The following USPL1 variants were observed in gnomAD, a reference collection of about 807,000 sequenced individuals.
The protein encoded by USPL1 is ubiquitin specific peptidase like 1.
A neutral mutation model predicts 51.5 loss-of-function variants in USPL1; 27 were observed. The ratio of observed to expected loss-of-function variants is 0.52; its 90% CI spans 0.39 to 0.72. The LOEUF (loss-of-function observed/expected upper bound fraction) is 0.72, where lower values mean the gene tolerates loss of function less well. Among genes scored for constraint, USPL1 ranks in the 30% least tolerant of loss-of-function variants. The pLI, the probability that USPL1 is intolerant of heterozygous loss-of-function variation, is 0.00. For missense variants in USPL1, 1,226 were observed against 1,268.0 expected, an observed-to-expected ratio of 0.97 and a Z score of 0.50; for synonymous variants, 451 against 459.6, an observed-to-expected ratio of 0.98 and a Z score of 0.24.
At chr13:30,651,003 C>CA (rs1467084171) in intron 7 of USPL1, among the ~76,000 whole-genome samples, 343 of 119,428 alleles carry the variant, frequency 2.9e-3, no homozygotes, top group East Asian at 1.0e-2. Context: ...ACAAACAAAC[C>CA]AAAAAAAAAA....
intron 4 of USPL1, among the ~76,000 whole-genome samples, chr13:30,635,108 A>G (rs1175890939): frequency 6.6e-6 from 1 of 152,194 alleles, no homozygotes; most frequent in African/African-American, 2.4e-5. Context: ...TGTGTTGCTG[A>G]ATCTGCTCCC....
At chr13:30,651,670 A>C (rs764779866) in intron 7 of USPL1, among the ~76,000 whole-genome samples, 15 of 152,236 alleles carry the variant, frequency 9.9e-5, no homozygotes, top group Admixed American at 5.2e-4. Flanking sequence ...AAATATTAGT[A>C]AAGAGTCAGG....
intron 7 of USPL1, among the ~76,000 whole-genome samples, chr13:30,649,435 A>C (rs1280022890): frequency 6.6e-6 from 1 of 152,254 alleles, no homozygotes; most frequent in East Asian, 1.9e-4. Context: ...CCTAAAAACT[A>C]ATTAAGTTCC....
chr13:30,633,121 T>A (rs1950829787), intron 4 of USPL1, among the ~76,000 whole-genome samples: 1 of 152,252 alleles, frequency 6.6e-6, no homozygotes, highest in Admixed American at 6.5e-5. Context: ...AGTTGTACTT[T>A]TCTTGGTTTC....
intron 5 of USPL1, among the ~76,000 whole-genome samples, chr13:30,641,181 T>A (rs1950942824): frequency 6.6e-6 from 1 of 152,244 alleles, no homozygotes; most frequent in African/African-American, 2.4e-5. Flanking sequence ...TAGGGACATT[T>A]GAATTAGGAT....
chr13:30,657,268 T>C (rs1951176388), intron 8 of USPL1, among the ~76,000 whole-genome samples: 1 of 152,236 alleles, frequency 6.6e-6, no homozygotes, highest in East Asian at 1.9e-4. Context: ...AATTAGGTGA[T>C]AACCAAATTC....
At chr13:30,651,686 C>T (rs932706355) in intron 7 of USPL1, among the ~76,000 whole-genome samples, 3 of 152,184 alleles carry the variant, frequency 2.0e-5, no homozygotes, top group African/African-American at 4.8e-5. Flanking sequence ...TCAGGCCAGG[C>T]GTGGTGGCTT....
chr13:30,630,030 A>G (rs1057199060), intron 3 of USPL1, among the ~76,000 whole-genome samples: 3 of 152,126 alleles, frequency 2.0e-5, no homozygotes, highest in Admixed American at 6.6e-5. Flanking sequence ...CTGGAGCAGT[A>G]GAGTGGGGCA....
intron 2 of USPL1, 113 bp downstream of exon 2, chr13:30,621,352 C>T (rs919728795): frequency 8.1e-6 from 6 of 742,256 alleles, no homozygotes; most frequent in South Asian, 3.9e-5. Flanking sequence ...GTGTCTTCCA[C>T]GGAAATCTTA....
At position 30,621,222 on chromosome 13, in the gene USPL1, G is replaced by C. The variant is rs1566044858; in HGVS notation, c.82G>C (p.Val28Leu). 2 of 1,591,850 alleles carry C rather than the reference G, an allele frequency of 1.3e-6. No individual in the cohort carries two copies. The highest frequency in any genetic ancestry group is 1.7e-6 in the Non-Finnish European group (2 of 1,172,422). Residue 28 changes from valine (V) to leucine (L), a missense_variant, in exon 2 of 9, where the codon GTG (valine) becomes CTG (leucine). Coordinates refer to ENST00000255304, the MANE Select transcript of USPL1 (RefSeq NM_005800.5). ...TDIGISSLHM[V>L]GYLGKNFDSA... ...TATAGGGATATCTTCACTCCACATGGTGGGGTATTTGGGAAAAGTTAGTGA... is the reference window on the plus strand; with the variant it reads ...TATAGGGATATCTTCACTCCACATGCTGGGGTATTTGGGAAAAGTTAGTGA...
intron 8 of USPL1, among the ~76,000 whole-genome samples, chr13:30,655,012 C>T (rs1430104198): frequency 1.3e-5 from 2 of 151,596 alleles, no homozygotes; most frequent in African/African-American, 4.8e-5. Flanking sequence ...AGTCTTGTCT[C>T]ACCACCACGT....
At chr13:30,635,063 GTTCC>G (rs1241155652) in intron 4 of USPL1, among the ~76,000 whole-genome samples, 2 of 152,132 alleles carry the variant, frequency 1.3e-5, no homozygotes, top group Non-Finnish European at 2.9e-5. Context: ...GTATGAGTTT[GTTCC>G]TTGTATCATT....
intron 5 of USPL1, 25 bp from the exon 6 acceptor site, chr13:30,642,603 G>C: frequency 6.3e-7 from 1 of 1,595,808 alleles, no homozygotes; most frequent in Non-Finnish European, 8.5e-7. Flanking sequence ...ATTATGAGCA[G>C]TAATTCTTCC....
chr13:30,657,652 T>C lies in USPL1; in HGVS notation c.1575T>C (p.Asn525=), dbSNP rs1287542195. 6.2e-7 allele frequency: 1 copy of C among 1,614,152 alleles called. No individual in the cohort carries two copies. The highest frequency in any genetic ancestry group is 1.7e-5 in the Admixed American group (1 of 60,022). The stretch of plus-strand genomic sequence containing the variant: ...CTAATGACCAACACGCTCTCAGTAA[T>C]GAGAAACCAGTATCTTTAACATCGT... ...KKTNDQHALS[N]EKPVSLTSCS... The change falls in exon 9 of 9, where the codon AAT becomes AAC. Residue 525 remains asparagine, a synonymous_variant. Coordinates refer to ENST00000255304, the MANE Select transcript of USPL1 (RefSeq NM_005800.5).
At chr13:30,624,522 T>G (rs1214036883) in intron 3 of USPL1, among the ~76,000 whole-genome samples, 1 of 152,104 alleles carries the variant, frequency 6.6e-6, no homozygotes, top group Non-Finnish European at 1.5e-5. Context: ...GGAGGGGGAC[T>G]ACGGGTGCAC....
chr13:30,643,150 C>G (rs1950970603), intron 6 of USPL1, among the ~76,000 whole-genome samples: 1 of 152,138 alleles, frequency 6.6e-6, no homozygotes, highest in African/African-American at 2.4e-5. Flanking sequence ...CAAGCTTCCC[C>G]ATTTCTTCCC....
At position 30,660,639 on chromosome 13, in the gene USPL1, T is replaced by G. The variant is rs938709009; in HGVS notation, c.*1283T>G. The G allele has an allele frequency of 7.9e-5, 12 of 152,254 alleles. No homozygotes were observed. Among genetic ancestry groups the G allele is most frequent in the African/African-American group, 2.7e-4 (11 of 41,462 alleles). 9.4% of individuals were successfully genotyped at this position (152,254 alleles called of 1,614,324 possible). A position where few individuals can be genotyped will look rare whatever the true frequency, so the allele number is the denominator to read the frequency against. On this transcript the variant is annotated 3_prime_UTR_variant, in exon 9 of 9. Transcript: ENST00000255304. ...GTTACACCGGTAGAGTGCTGTGGAA[T>G]GTAAACTTTCCCTATGTCACTTATC...
At chr13:30,648,545 A>C (rs1951047367) in intron 7 of USPL1, among the ~76,000 whole-genome samples, 1 of 152,326 alleles carries the variant, frequency 6.6e-6, no homozygotes, top group South Asian at 2.1e-4. Flanking sequence ...TTCTCTGGGA[A>C]AAATAAGCTC....
intron 2 of USPL1, 91 bp downstream of exon 2, chr13:30,621,330 T>C (rs1038426951): frequency 1.1e-6 from 1 of 931,278 alleles, no homozygotes; most frequent in Non-Finnish European, 1.6e-6. Flanking sequence ...ACCAGTTAAC[T>C]TCTAAAAAAT....
Sources: gnomAD v4.1 joint callset for allele counts (sites outside exome capture counted in the v4.1 genomes callset) on GRCh38, gnomAD v4.1.1 for gene constraint, MANE v1.5 for transcripts, NCBI Gene and HGNC (gene_info 2026-07-23, HGNC 2026-07-21) for gene names.